The following TP73 variants were observed in gnomAD, a reference collection of about 807,000 sequenced individuals.
TP73 encodes the protein tumor protein p73, also known as p53-like transcription factor.
A neutral mutation model predicts 62.5 loss-of-function variants in TP73; 25 were observed. That is an observed-to-expected ratio of 0.40 (90% CI 0.29 to 0.56). The LOEUF (loss-of-function observed/expected upper bound fraction) is 0.56. Ranked by LOEUF, TP73 falls within the 20% of genes least tolerant of loss-of-function variation. The pLI is 0.46. For missense variants in TP73, 754 were observed against 913.3 expected, an observed-to-expected ratio of 0.83 and a Z score of 2.25; for synonymous variants, 423 against 377.5, an observed-to-expected ratio of 1.12 and a Z score of -1.40.
chr1:3,733,090 T>A lies in TP73; in HGVS notation c.*11T>A. 3 of 1,523,268 alleles carry A rather than the reference T, an allele frequency of 2.0e-6. No homozygotes were observed. The highest frequency in any genetic ancestry group is 2.6e-6 in the Non-Finnish European group (3 of 1,137,368). The allele number at this position is 1,523,268 out of a possible 1,614,324, so 94.4% of individuals were successfully genotyped here. ...GCCGAGATCCACTGAGGGCCTCGCC[T>A]GGCTGCAGCCTGCGCCACCGCCCAG... On this transcript the variant is annotated 3_prime_UTR_variant, in exon 14 of 14. Coordinates refer to ENST00000378295, the MANE Select transcript of TP73 (RefSeq NM_005427.4).
chr1:3,681,203 G>A (rs1166660410), intron 1 of TP73, among the ~76,000 whole-genome samples: 1 of 152,236 alleles, frequency 6.6e-6, no homozygotes, highest in Non-Finnish European at 1.5e-5. Flanking sequence ...TCCAGGCCAT[G>A]GCCTGCACCC....
At chr1:3,718,280 G>T (rs1445820733) in intron 4 of TP73, among the ~76,000 whole-genome samples, 1 of 152,216 alleles carries the variant, frequency 6.6e-6, no homozygotes, top group Non-Finnish European at 1.5e-5. Flanking sequence ...TTGCAGACGG[G>T]AGTCCCTCAG....
At chr1:3,687,470 G>A (rs1369711420) in intron 3 of TP73, among the ~76,000 whole-genome samples, 3 of 152,148 alleles carry the variant, frequency 2.0e-5, no homozygotes, top group African/African-American at 7.2e-5. Flanking sequence ...ATCCTCACCC[G>A]GACCCACCCG....
intron 3 of TP73, among the ~76,000 whole-genome samples, chr1:3,691,920 T>C (rs146705093): frequency 2.6e-3 from 389 of 152,236 alleles, no homozygotes; most frequent in African/African-American, 8.9e-3. Flanking sequence ...GACCAGGGTG[T>C]GTGTGACAGC....
At chr1:3,703,871 A>G (rs12742969) in intron 3 of TP73, among the ~76,000 whole-genome samples, 46,967 of 152,120 alleles carry the variant, frequency 0.31, 8,027 homozygotes, top group Non-Finnish European at 0.38. Context: ...GGAATGGGGA[A>G]GTCGTGCATC....
At position 3,736,113 on chromosome 1, in the gene TP73, T is replaced by C. The variant is rs991771517; in HGVS notation, c.*3034T>C. 1.3e-5 allele frequency: 2 copies of C among 152,250 alleles called. No individual in the cohort carries two copies. The highest frequency in any genetic ancestry group is 4.8e-5 in the African/African-American group (2 of 41,468). 9.4% of individuals were successfully genotyped at this position (152,250 alleles called of 1,614,324 possible). On this transcript the variant is annotated 3_prime_UTR_variant, in exon 14 of 14. Transcript: ENST00000378295. ...ATGACATAACAACTGTTTTTGGTAATGTAATCTTGGGAAAATGTGTTATTT... is the reference window on the plus strand; with the variant it reads ...ATGACATAACAACTGTTTTTGGTAACGTAATCTTGGGAAAATGTGTTATTT...
At chr1:3,695,797 C>T (rs1638594692) in intron 3 of TP73, among the ~76,000 whole-genome samples, 1 of 152,230 alleles carries the variant, frequency 6.6e-6, no homozygotes, top group South Asian at 2.1e-4. Context: ...GGATAGACCA[C>T]AGGGGGGCAG....
intron 9 of TP73, 100 bp downstream of exon 9, chr1:3,728,317 T>G (rs1570638693): frequency 7.8e-7 from 1 of 1,275,008 alleles, no homozygotes; most frequent in Non-Finnish European, 1.1e-6. Context: ...GAGACCATGG[T>G]GGAGGGGGCG....
chr1:3,718,636 C>G (rs1322180584), intron 4 of TP73, among the ~76,000 whole-genome samples: 1 of 152,102 alleles, frequency 6.6e-6, no homozygotes, highest in Non-Finnish European at 1.5e-5. Context: ...TGTCAGGGAG[C>G]GACGGCTGCC....
chr1:3,711,846 A>ACGAGCGTGTGTTTGTGTGTG (rs1640170783), intron 4 of TP73, among the ~76,000 whole-genome samples: 1 of 150,110 alleles, frequency 6.7e-6, no homozygotes, highest in Non-Finnish European at 1.5e-5. Context: ...GAGCGTGTGT[A>ACGAGCGTGTGTTTGTGTGTG]TGTGTGTGTG....
chr1:3,664,522 T>G (rs1645069129), intron 1 of TP73, among the ~76,000 whole-genome samples: 1 of 152,194 alleles, frequency 6.6e-6, no homozygotes, highest in South Asian at 2.1e-4. Flanking sequence ...CCATTTCCTG[T>G]GATCTTAGCA....
In TP73 at chr1:3,663,203, C is replaced by G. The variant is rs1468469150; in HGVS notation, c.-34+10562C>G. 6.6e-6 allele frequency among the ~76,000 whole-genome samples: 1 copy of G among 152,132 alleles called. No homozygotes were observed. The highest frequency in any genetic ancestry group is 2.4e-5 in the African/African-American group (1 of 41,426). ...TTCACGAGGCTGGTGGCTGCGGCAC[C>G]TACAAAGACAGGTTAACAAGAGGAC... is the stretch of plus-strand genomic sequence containing the variant. On this transcript the variant is annotated intron_variant, in intron 1 of 13. Coordinates refer to ENST00000378295, the MANE Select transcript of TP73 (RefSeq NM_005427.4). The surrounding 1 kb of genome is among the most constrained non-coding windows in gnomAD (Gnocchi z 4.7).
At position 3,730,081 on chromosome 1, in the gene TP73, C is replaced by T. The variant is rs768655603; in HGVS notation, c.1278C>T (p.Ser426=). Residue 426 remains serine (S), a synonymous_variant, in exon 11 of 14, where the codon TCC becomes TCT. Coordinates refer to ENST00000378295, the MANE Select transcript of TP73 (RefSeq NM_005427.4). ...ACGGGGGCATGAACAAGCTGCCCTC[C>T]GTCAACCAGCTGGTGGGCCAGCCTC... ...KVHGGMNKLP[S]VNQLVGQPPP... The T allele has an allele frequency of 2.0e-5, 32 of 1,598,080 alleles. No homozygotes were observed. Among genetic ancestry groups the T allele is most frequent in the South Asian group, 1.9e-4 (17 of 88,410 alleles).
At chr1:3,653,110 C>T (rs905920510) in intron 1 of TP73, among the ~76,000 whole-genome samples, 1 of 152,224 alleles carries the variant, frequency 6.6e-6, no homozygotes, top group African/African-American at 2.4e-5. Flanking sequence ...CCTCAGCTTC[C>T]CTGAGGAGCC....
rs946032275 is a variant in TP73, at chr1:3,693,582, C to T, written c.186+10402C>T. On this transcript the variant is annotated intron_variant, in intron 3 of 13. Transcript: ENST00000378295. The stretch of plus-strand genomic sequence containing the variant: ...CCTCTATGATGAGGACGGTGTTCAC[C>T]GTAGCTGCTCGGCTGCGGGGCCCAA... 3.3e-5 allele frequency among the ~76,000 whole-genome samples: 5 copies of T among 152,134 alleles called. No individual in the cohort carries two copies. The South Asian group carries it at 1.0e-3, about 31-fold the overall frequency.
At position 3,672,746 on chromosome 1, in the gene TP73, C is replaced by T. The variant is rs75990771; in HGVS notation, c.-33-9587C>T. 0.034 allele frequency among the ~76,000 whole-genome samples: 5,180 copies of T among 152,244 alleles called. 285 individuals are homozygous for T. Among genetic ancestry groups the T allele is most frequent in the African/African-American group, 0.12 (4,873 of 41,518 alleles). On this transcript the variant is annotated intron_variant, in intron 1 of 13. Transcript: ENST00000378295. The surrounding 1 kb of genome is among the most constrained non-coding windows in gnomAD (Gnocchi z 5.3). Reference sequence around the variant, plus strand: ...GTGGGCTCCTGGCAGGAAACATCACCAAGCTCAGCGCCCCAGTTCCCTGAC... The same window carrying T: ...GTGGGCTCCTGGCAGGAAACATCACTAAGCTCAGCGCCCCAGTTCCCTGAC...
At chr1:3,673,096 G>A (rs972239878) in intron 1 of TP73, among the ~76,000 whole-genome samples, 5 of 152,372 alleles carry the variant, frequency 3.3e-5, no homozygotes, top group Admixed American at 1.3e-4. Context: ...GCATGGAGCT[G>A]GCACCGGCTG....
At chr1:3,725,768 G>GTGTT (rs1641483689) in intron 6 of TP73, among the ~76,000 whole-genome samples, 1 of 32,978 alleles carries the variant, frequency 3.0e-5, no homozygotes, top group African/African-American at 1.1e-4. Flanking sequence ...GATGGGGTGG[G>GTGTT]GGGGTGGATG....
intron 4 of TP73, among the ~76,000 whole-genome samples, chr1:3,720,979 A>G (rs1337215806): frequency 6.6e-6 from 1 of 152,184 alleles, no homozygotes; most frequent in Admixed American, 6.5e-5. Flanking sequence ...GGTGAGGGGC[A>G]CAGAGGGCAT....
Sources: allele counts gnomAD v4.1 joint callset (sites outside exome capture counted in the v4.1 genomes callset), GRCh38; gene constraint gnomAD v4.1.1; non-coding constraint Gnocchi (gnomAD v3.1); transcripts MANE v1.5; gene names NCBI Gene and HGNC (gene_info 2026-07-23, HGNC 2026-07-21).